MRC1: variants seen among roughly 807,000 people sequenced by gnomAD.
MRC1 encodes macrophage mannose receptor 1.
In MRC1, 62 loss-of-function variants were observed where a neutral mutation model predicts 102.9. The observed-to-expected ratio is 0.60, with a 90% confidence interval of 0.49 to 0.74. The LOEUF (loss-of-function observed/expected upper bound fraction) is 0.74. Among genes scored for constraint, MRC1 ranks in the 30% least tolerant of loss-of-function variants. The probability of loss-of-function intolerance (pLI) is 0.00; values close to 1 mark genes in which losing one functional copy is unlikely to be tolerated. For synonymous variants in MRC1, 457 were observed against 298.4 expected (o/e 1.53, Z -5.48); for missense variants, 1,237 against 862.8 (o/e 1.43, Z -5.43).
chr10:17,868,738 C>T (rs890793267), intron 12 of MRC1, among the ~76,000 whole-genome samples: 16 of 152,140 alleles, frequency 1.1e-4, no homozygotes, highest in Non-Finnish European at 2.4e-4. Context: ...TCTTCTAACT[C>T]AAGAGGAGTA....
chr10:17,835,148 CT>C (rs1174537347), intron 4 of MRC1, among the ~76,000 whole-genome samples: 3 of 152,200 alleles, frequency 2.0e-5, no homozygotes, highest in Non-Finnish European at 4.4e-5. Context: ...ACCCTCACAT[CT>C]TTTCCCATGT....
chr10:17,903,387 T>C (rs1833854521), intron 26 of MRC1, among the ~76,000 whole-genome samples: 1 of 141,704 alleles, frequency 7.1e-6, no homozygotes. Flanking sequence ...CTTTTCTTTT[T>C]TTTTCTTTTT....
chr10:17,840,743 A>G lies in MRC1; in HGVS notation c.853A>G (p.Ser285Gly). 1 of 780,884 alleles carries G rather than the reference A, an allele frequency of 1.3e-6. No individual in the cohort carries two copies. Among genetic ancestry groups the G allele is most frequent in the Admixed American group, 1.7e-5 (1 of 59,026 alleles). The allele number at this position is 780,884 out of a possible 1,614,324, so 48.4% of individuals were successfully genotyped here. Residue 285 changes from serine to glycine, a missense_variant, in exon 5 of 30, where the codon AGC becomes GGC. Coordinates refer to ENST00000569591, the MANE Select transcript of MRC1 (RefSeq NM_002438.4). The part of the protein sequence containing the change: ...SGLWIGLNSL[S>G]FNSGWQWSDR... The stretch of plus-strand genomic sequence containing the variant: ...ACTCTGGATTGGACTTAACAGTCTG[A>G]GCTTCAACAGCGGTTGGCAGTGGAG...
rs569304271 is a variant in MRC1, at chr10:17,838,625, A to T, written c.803-2068A>T. Reference sequence around the variant, plus strand: ...ATTTGTGTATCTTCTATTACATCTAAGTTCAAAAGTTGGTATATAACCATT... The same window carrying T: ...ATTTGTGTATCTTCTATTACATCTATGTTCAAAAGTTGGTATATAACCATT... On this transcript the variant is annotated intron_variant, in intron 4 of 29. Coordinates refer to ENST00000569591, the MANE Select transcript of MRC1 (RefSeq NM_002438.4). 3.0e-3 allele frequency among the ~76,000 whole-genome samples: 458 copies of T among 152,328 alleles called. 11 individuals carry two copies. Among genetic ancestry groups the T allele is most frequent in the Admixed American group, 0.026 (395 of 15,302 alleles).
At chr10:17,910,015 G>A (rs1426226504) in intron 29 of MRC1, among the ~76,000 whole-genome samples, 200 bp from the exon 30 acceptor site, 2 of 152,108 alleles carry the variant, frequency 1.3e-5, no homozygotes, top group African/African-American at 4.8e-5. Context: ...GATTATTCTT[G>A]CAACTGAATA....
At chr10:17,810,753 GA>G (rs1254072728) in intron 1 of MRC1, among the ~76,000 whole-genome samples, 1 of 152,178 alleles carries the variant, frequency 6.6e-6, no homozygotes, top group Non-Finnish European at 1.5e-5. Flanking sequence ...TGGCAGAAAA[GA>G]AGTACATAAA....
chr10:17,820,593 G>C (rs1023633995), intron 1 of MRC1, among the ~76,000 whole-genome samples: 1 of 151,892 alleles, frequency 6.6e-6, no homozygotes, highest in African/African-American at 2.4e-5. Flanking sequence ...AGTGAAAATG[G>C]CCAAAGTATA....
chr10:17,910,506 T>G lies in MRC1; in HGVS notation c.*41T>G. On this transcript the variant is annotated 3_prime_UTR_variant, in exon 30 of 30. Transcript: ENST00000569591. Reference sequence around the variant, plus strand: ...CTGAGATATTTGAATTTCATAAAATTGTAACTGAAATTTAAAATTTTTAGT... The same window carrying G: ...CTGAGATATTTGAATTTCATAAAATGGTAACTGAAATTTAAAATTTTTAGT... 2.6e-6 allele frequency: 2 copies of G among 780,454 alleles called. No homozygotes were observed. The highest frequency in any genetic ancestry group is 4.8e-6 in the Non-Finnish European group (2 of 417,780). The allele number at this position is 780,454 out of a possible 1,614,324, so 48.3% of individuals were successfully genotyped here.
chr10:17,908,788 C>T (rs1382988838), intron 28 of MRC1, among the ~76,000 whole-genome samples: 3 of 152,150 alleles, frequency 2.0e-5, no homozygotes, highest in African/African-American at 7.2e-5. Context: ...AGGCTGGTCT[C>T]GAACTCCGGA....
At chr10:17,880,074 T>G (rs1833493052) in intron 19 of MRC1, among the ~76,000 whole-genome samples, 1 of 152,218 alleles carries the variant, frequency 6.6e-6, no homozygotes, top group African/African-American at 2.4e-5. Flanking sequence ...TGTTCTGATT[T>G]GAAAAAACTT....
Position 17,879,674 on chromosome 10 carries a change from A to C in MRC1, c.2619-47A>C, listed in dbSNP as rs1360771780. ...CACTGCTCCTGGCCTGTATCCAATT[A>C]GTCTAATGATTGGATCGTTTCAAAA... On this transcript the variant is annotated intron_variant, in intron 18 of 29. Transcript: ENST00000569591. 45 of 780,690 alleles carry C rather than the reference A, an allele frequency of 5.8e-5. 1 individual carries two copies. The Admixed American group carries it at 7.5e-4, about 13-fold the overall frequency. 48.4% of individuals were successfully genotyped at this position (780,690 alleles called of 1,614,324 possible).
chr10:17,850,107 CTG>C (rs1198272979), intron 7 of MRC1, among the ~76,000 whole-genome samples: 2 of 151,124 alleles, frequency 1.3e-5, no homozygotes, highest in Non-Finnish European at 3.0e-5. Flanking sequence ...TTGGAATTAT[CTG>C]TGTGTGTGTG....
At chr10:17,886,808 T>TA (rs1213147799) in intron 22 of MRC1, among the ~76,000 whole-genome samples, 2 of 152,190 alleles carry the variant, frequency 1.3e-5, no homozygotes, top group African/African-American at 4.8e-5. Flanking sequence ...AAGCAAGAGA[T>TA]ACATGATGTG....
At chr10:17,813,700 ATTTT>A (rs1168166887) in intron 1 of MRC1, among the ~76,000 whole-genome samples, 12 of 125,694 alleles carry the variant, frequency 9.5e-5, no homozygotes, top group African/African-American at 3.1e-4. Flanking sequence ...ATATATATAT[ATTTT>A]TTTTTTTTTT....
intron 24 of MRC1, 54 bp from the exon 25 acceptor site, chr10:17,900,734 G>C: frequency 1.3e-6 from 1 of 780,376 alleles, no homozygotes; most frequent in Non-Finnish European, 2.4e-6. Flanking sequence ...GGTTCTTTTA[G>C]TATTTTCTAA....
intron 4 of MRC1, among the ~76,000 whole-genome samples, chr10:17,840,027 C>G (rs1005649112): frequency 4.5e-5 from 6 of 134,668 alleles, no homozygotes; most frequent in Non-Finnish European, 9.1e-5. Flanking sequence ...GATTGAGCCA[C>G]TGAACTCCAG....
intron 3 of MRC1, among the ~76,000 whole-genome samples, chr10:17,832,286 G>T (rs1483935903): frequency 6.6e-6 from 1 of 151,350 alleles, no homozygotes; most frequent in South Asian, 2.1e-4. Flanking sequence ...GCTGGTATCC[G>T]TTCTTTTAAA....
At chr10:17,895,043 A>C (rs1340664790) in intron 23 of MRC1, among the ~76,000 whole-genome samples, 2 of 151,980 alleles carry the variant, frequency 1.3e-5, no homozygotes, top group East Asian at 1.9e-4. Flanking sequence ...ACTTTTACAA[A>C]ATTATTTTAT....
Position 17,832,610 on chromosome 10 carries a change from C to T in MRC1, c.638-1065C>T, listed in dbSNP as rs1051069590. 5.8e-4 allele frequency among the ~76,000 whole-genome samples: 85 copies of T among 147,376 alleles called. 4 individuals are homozygous for T. Among genetic ancestry groups the T allele is most frequent in the Middle Eastern group, 6.8e-3 (2 of 294 alleles). Reference sequence around the variant, plus strand: ...ATTTTTATTTATTTAGTTTTTGAGACGGAGTCTCGCTCTGTCGCCCAGGCT... The same window carrying T: ...ATTTTTATTTATTTAGTTTTTGAGATGGAGTCTCGCTCTGTCGCCCAGGCT... On this transcript the variant is annotated intron_variant, in intron 3 of 29. Coordinates refer to ENST00000569591, the MANE Select transcript of MRC1 (RefSeq NM_002438.4).
Sources: allele counts gnomAD v4.1 joint callset (sites outside exome capture counted in the v4.1 genomes callset), GRCh38; gene constraint gnomAD v4.1.1; transcripts MANE v1.5; gene names NCBI Gene and HGNC (gene_info 2026-07-23, HGNC 2026-07-21).